The following PPP3CA variants were observed in gnomAD, a reference collection of about 807,000 sequenced individuals.
PPP3CA encodes the protein CAM-PRP catalytic subunit.
Under a neutral mutation model 66.5 loss-of-function variants are expected in PPP3CA, and 14 were observed. That is an observed-to-expected ratio of 0.21 (90% CI 0.14 to 0.33). The LOEUF (loss-of-function observed/expected upper bound fraction) is 0.33. Ranked by LOEUF, PPP3CA falls within the 10% of genes least tolerant of loss-of-function variation. The pLI, the probability that PPP3CA is intolerant of heterozygous loss-of-function variation, is 1.00. For missense variants in PPP3CA, 317 were observed against 639.5 expected, an observed-to-expected ratio of 0.50 and a Z score of 5.44; for synonymous variants, 232 against 226.2, an observed-to-expected ratio of 1.03 and a Z score of -0.23.
At chr4:101,306,418 C>T (rs774235755) in intron 1 of PPP3CA, among the ~76,000 whole-genome samples, 3 of 152,066 alleles carry the variant, frequency 2.0e-5, no homozygotes, top group Non-Finnish European at 4.4e-5. Context: ...CGGAAAGCCA[C>T]AAATTATAGT....
chr4:101,200,614 C>T (rs1161705685), intron 1 of PPP3CA, among the ~76,000 whole-genome samples: 2 of 151,968 alleles, frequency 1.3e-5, no homozygotes, highest in Non-Finnish European at 2.9e-5. Context: ...TTTTTTCCCC[C>T]CTCAAACAAA....
chr4:101,206,026 G>A lies in PPP3CA; in HGVS notation c.59-9910C>T, dbSNP rs540245918. Among the ~76,000 whole-genome samples the A allele has an allele frequency of 2.0e-5, 3 of 152,268 alleles. No individual in the cohort carries two copies. The South Asian group carries it at 6.2e-4, about 32-fold the overall frequency. ...GGCTCAATATGCCCTACTCGGGTAG[G>A]CTCTAGAGCAGGCTGCAGCAAAACA... On this transcript the variant is annotated intron_variant, in intron 1 of 13. Coordinates refer to ENST00000394854, the MANE Select transcript of PPP3CA (RefSeq NM_000944.5).
intron 10 of PPP3CA, among the ~76,000 whole-genome samples, chr4:101,046,812 T>C (rs1359647239): frequency 6.6e-6 from 1 of 152,180 alleles, no homozygotes; most frequent in African/African-American, 2.4e-5. Flanking sequence ...CTTGATGAAA[T>C]GAAGCATAAG....
intron 8 of PPP3CA, among the ~76,000 whole-genome samples, chr4:101,066,937 T>A (rs1728706634): frequency 6.6e-6 from 1 of 152,182 alleles, no homozygotes; most frequent in Non-Finnish European, 1.5e-5. Context: ...TGAGACCTTG[T>A]CTGAGAAACA....
At chr4:101,251,323 A>C (rs576410730) in intron 1 of PPP3CA, among the ~76,000 whole-genome samples, 1 of 152,218 alleles carries the variant, frequency 6.6e-6, no homozygotes, top group East Asian at 1.9e-4. Flanking sequence ...ATTATATTGT[A>C]CTTATAAATA....
At chr4:101,285,999 G>A (rs577986711) in intron 1 of PPP3CA, among the ~76,000 whole-genome samples, 5 of 152,270 alleles carry the variant, frequency 3.3e-5, no homozygotes, top group South Asian at 2.1e-4. Context: ...GACCGTTTTC[G>A]TGTAAGACAA....
intron 1 of PPP3CA, among the ~76,000 whole-genome samples, chr4:101,340,508 T>C (rs1026352465): frequency 5.3e-5 from 8 of 152,146 alleles, no homozygotes; most frequent in African/African-American, 1.7e-4. Context: ...GGTCATAAAG[T>C]TGATAACCCA....
chr4:101,258,267 T>C (rs956325565), intron 1 of PPP3CA, among the ~76,000 whole-genome samples: 5 of 152,068 alleles, frequency 3.3e-5, no homozygotes, highest in African/African-American at 1.2e-4. Context: ...TAAGGAACTA[T>C]CCAAATGGAT....
At chr4:101,331,344 A>G (rs1729379603) in intron 1 of PPP3CA, among the ~76,000 whole-genome samples, 1 of 152,226 alleles carries the variant, frequency 6.6e-6, no homozygotes, top group Non-Finnish European at 1.5e-5. Context: ...GAGGACAGGA[A>G]GTACTTTGCT....
intron 1 of PPP3CA, among the ~76,000 whole-genome samples, chr4:101,323,503 C>T (rs1729105328): frequency 6.6e-6 from 1 of 152,106 alleles, no homozygotes. Flanking sequence ...GAGTAAATGG[C>T]GTCAGAATAT....
chr4:101,242,561 C>A lies in PPP3CA; in HGVS notation c.59-46445G>T, dbSNP rs546676164. ...TAAAAAAAAAGAGTAAAACTGAATT[C>A]TCCACCCATATCCTGCATCATGGAT... is the stretch of plus-strand genomic sequence containing the variant. On this transcript the variant is annotated intron_variant, in intron 1 of 13. Transcript: ENST00000394854. 8.5e-4 allele frequency among the ~76,000 whole-genome samples: 129 copies of A among 152,128 alleles called. 2 individuals carry two copies. The South Asian group carries it at 0.027, about 31-fold the overall frequency.
At chr4:101,109,860 CACTT>C (rs2110264293) in intron 2 of PPP3CA, among the ~76,000 whole-genome samples, 1 of 152,140 alleles carries the variant, frequency 6.6e-6, no homozygotes, top group African/African-American at 2.4e-5. Context: ...TTTAAAAACT[CACTT>C]ATTTAATACT....
At chr4:101,080,501 A>G in intron 8 of PPP3CA, 31 bp downstream of exon 8, 2 of 1,180,856 alleles carry the variant, frequency 1.7e-6, no homozygotes, top group Non-Finnish European at 2.3e-6. Context: ...CATATTATGT[A>G]AGACTGCAAG....
intron 1 of PPP3CA, among the ~76,000 whole-genome samples, chr4:101,212,183 T>A (rs1194829395): frequency 1.3e-5 from 2 of 152,172 alleles, no homozygotes; most frequent in African/African-American, 4.8e-5. Context: ...AAAACTCTCA[T>A]TTGGCATATA....
At chr4:101,164,166 C>A (rs1723611662) in intron 2 of PPP3CA, among the ~76,000 whole-genome samples, 1 of 71,468 alleles carries the variant, frequency 1.4e-5, no homozygotes, top group Non-Finnish European at 3.0e-5. Context: ...AATCTCCTCT[C>A]CTTCTCAATG....
intron 8 of PPP3CA, among the ~76,000 whole-genome samples, chr4:101,070,562 C>A (rs1728873713): frequency 6.6e-6 from 1 of 152,086 alleles, no homozygotes; most frequent in African/African-American, 2.4e-5. Flanking sequence ...ATAATATCTG[C>A]CCTCTCACTT....
At chr4:101,330,225 T>G (rs1729337322) in intron 1 of PPP3CA, 1 of 419,402 alleles carries the variant, frequency 2.4e-6, no homozygotes, top group South Asian at 1.8e-5. Context: ...GCATATGTGG[T>G]AGAAATATCA....
intron 1 of PPP3CA, among the ~76,000 whole-genome samples, chr4:101,290,902 CAG>C (rs1317767310): frequency 2.0e-5 from 3 of 152,172 alleles, no homozygotes; most frequent in African/African-American, 7.2e-5. Flanking sequence ...CAAATAAAAT[CAG>C]AGTCATTCAG....
intron 1 of PPP3CA, among the ~76,000 whole-genome samples, chr4:101,303,409 A>G (rs1454151687): frequency 6.6e-6 from 1 of 152,198 alleles, no homozygotes; most frequent in East Asian, 1.9e-4. Context: ...CAGCAAAATT[A>G]TATGAAATAC....
Sources: gnomAD v4.1 joint callset for allele counts (sites outside exome capture counted in the v4.1 genomes callset) on GRCh38, gnomAD v4.1.1 for gene constraint, MANE v1.5 for transcripts, NCBI Gene and HGNC (gene_info 2026-07-23, HGNC 2026-07-21) for gene names.